C3AR1: variants seen among roughly 807,000 people sequenced by gnomAD.
C3AR1 encodes the protein complement C3a receptor 1, also known as C3a anaphylatoxin chemotactic receptor.
For missense variants in C3AR1, 579 were observed against 583.5 expected, an observed-to-expected ratio of 0.99 and a Z score of 0.08; for synonymous variants, 208 against 225.3, an observed-to-expected ratio of 0.92 and a Z score of 0.69.
intron 1 of C3AR1, among the ~76,000 whole-genome samples, chr12:8,063,468 A>G (rs1346224552): frequency 6.6e-6 from 1 of 152,126 alleles, no homozygotes; most frequent in Non-Finnish European, 1.5e-5. Flanking sequence ...ACCCTGCTTT[A>G]TAGCTTTCCT....
chr12:8,062,802 C>T (rs1388031331), intron 1 of C3AR1, among the ~76,000 whole-genome samples: 3 of 152,020 alleles, frequency 2.0e-5, no homozygotes, highest in African/African-American at 7.2e-5. Context: ...CGCCACCATG[C>T]CCGGCTAATT....
chr12:8,060,064 T>G lies in C3AR1; in HGVS notation c.122A>C (p.Asn41Thr). The G allele has an allele frequency of 6.2e-7, 1 of 1,614,068 alleles. No homozygotes were observed. Among genetic ancestry groups the G allele is most frequent in the South Asian group, 1.1e-5 (1 of 91,082 alleles). ...SLTFLLGLPG[N>T]GLVLWVAGLK... ...GCCAGCCACCCACAGCACCAGCCCA[T>G]TGCCTGGCAATCCCAGTAAAAAAGT... Residue 41 changes from asparagine to threonine, a missense_variant, in exon 2 of 2, where the codon AAT (asparagine) becomes ACT (threonine). Transcript: ENST00000307637.
intron 1 of C3AR1, among the ~76,000 whole-genome samples, chr12:8,065,441 A>G (rs541780728): frequency 9.5e-4 from 145 of 152,142 alleles, no homozygotes; most frequent in Non-Finnish European, 1.8e-3. Flanking sequence ...ACCTGAGGTC[A>G]GGAGTTTGAG....
rs1283472397 is a variant in C3AR1, at chr12:8,059,165, G to A, written c.1021C>T (p.Leu341=). Residue 341 remains leucine (L), a synonymous_variant, in exon 2 of 2, where the codon CTA becomes TTA. Coordinates refer to ENST00000307637, the MANE Select transcript of C3AR1 (RefSeq NM_004054.4). ...GAGGGCAGCAGGAAACCCACCACTA[G>A]CCTAGTGATCGTTATTGCCACGAGG... ...TPLVAITITR[L]VVGFLLPSVI... 6.2e-7 allele frequency: 1 copy of A among 1,614,198 alleles called. No individual in the cohort carries two copies. The highest frequency in any genetic ancestry group is 8.5e-7 in the Non-Finnish European group (1 of 1,180,032).
Position 8,059,186 on chromosome 12 carries a change from C to T in C3AR1, c.1000G>A (p.Val334Met), listed in dbSNP as rs376260680. 5.0e-5 allele frequency: 80 copies of T among 1,613,988 alleles called. No individual in the cohort carries two copies. The highest frequency in any genetic ancestry group is 8.9e-5 in the East Asian group (4 of 44,898). The change falls in exon 2 of 2, where the codon GTG (valine) becomes ATG (methionine). Residue 334 changes from valine to methionine, a missense_variant. Val to Met is a conservative substitution (Grantham distance 21). Transcript: ENST00000307637. ...ACTAGCCTAGTGATCGTTATTGCCACGAGGGGTGTTGGCACTTGATCGTCA... is the reference window on the plus strand; with the variant it reads ...ACTAGCCTAGTGATCGTTATTGCCATGAGGGGTGTTGGCACTTGATCGTCA... Reference protein sequence around the residue: ...TDDDQVPTPLVAITITRLVVG... With the variant: ...TDDDQVPTPLMAITITRLVVG...
At position 8,058,962 on chromosome 12, in the gene C3AR1, G is replaced by A. The variant is rs374005600; in HGVS notation, c.1224C>T (p.Pro408=). 3.1e-6 allele frequency: 5 copies of A among 1,614,080 alleles called. No homozygotes were observed. The African/African-American group carries it at 6.7e-5, about 22-fold the overall frequency. Residue 408 remains proline, a synonymous_variant, in exon 2 of 2, where the codon CCC becomes CCT. Transcript: ENST00000307637. ...VLSLLTDPET[P]LGKTLMSWDH... Reference sequence around the variant, plus strand: ...CCCAGGACATCAGAGTTTTCCCCAAGGGAGTTTCTGGGTCAGTAAGCAATG... The same window carrying A: ...CCCAGGACATCAGAGTTTTCCCCAAAGGAGTTTCTGGGTCAGTAAGCAATG...
Position 8,057,115 on chromosome 12 carries a change from T to C in C3AR1, c.*1622A>G, listed in dbSNP as rs1212433517. Among the ~76,000 whole-genome samples, 1 of 152,220 alleles carries C rather than the reference T, an allele frequency of 6.6e-6. No individual in the cohort carries two copies. The highest frequency in any genetic ancestry group is 1.5e-5 in the Non-Finnish European group (1 of 68,028). Reference sequence around the variant, plus strand: ...CATTTTCTGTTTTTAGACTACATCATTGTATTTGGTTTAGATGAGGCCACG... The same window carrying C: ...CATTTTCTGTTTTTAGACTACATCACTGTATTTGGTTTAGATGAGGCCACG... On this transcript the variant is annotated 3_prime_UTR_variant, in exon 2 of 2. Transcript: ENST00000307637.
chr12:8,058,101 A>G lies in C3AR1; in HGVS notation c.*636T>C, dbSNP rs2072448. The stretch of plus-strand genomic sequence containing the variant: ...TCTATGTAATAGTGGAAATTTCTAT[A>G]TCCTGTACCCAGGGGTGTTCCCAGG... On this transcript the variant is annotated 3_prime_UTR_variant, in exon 2 of 2. Transcript: ENST00000307637. Among the ~76,000 whole-genome samples the G allele has an allele frequency of 0.6, 91,229 of 152,098 alleles. 28,192 individuals are homozygous for G. Among genetic ancestry groups the G allele is most frequent in the Middle Eastern group, 0.74 (217 of 294 alleles).
chr12:8,061,530 T>G (rs1395478773), intron 1 of C3AR1, among the ~76,000 whole-genome samples: 1 of 152,096 alleles, frequency 6.6e-6, no homozygotes, highest in Non-Finnish European at 1.5e-5. Context: ...TGATACAATC[T>G]CGGCTCACTG....
Position 8,059,532 on chromosome 12 carries a change from T to C in C3AR1, c.654A>G (p.Thr218=). 1 of 1,614,168 alleles carries C rather than the reference T, an allele frequency of 6.2e-7. No individual in the cohort carries two copies. Among genetic ancestry groups the C allele is most frequent in the Non-Finnish European group, 8.5e-7 (1 of 1,180,026 alleles). The change falls in exon 2 of 2, where the codon ACA becomes ACG. Residue 218 remains threonine, a synonymous_variant. Coordinates refer to ENST00000307637, the MANE Select transcript of C3AR1 (RefSeq NM_004054.4). ...TGGGGACTGTCCAAGGATGATCATTTGTTTGGAAAGAGGAAGGATCTAACC... is the reference window on the plus strand; with the variant it reads ...TGGGGACTGTCCAAGGATGATCATTCGTTTGGAAAGAGGAAGGATCTAACC... ...NDRLDPSSFQ[T]NDHPWTVPTV...
chr12:8,063,590 G>A (rs1169880407), intron 1 of C3AR1, among the ~76,000 whole-genome samples: 1 of 152,094 alleles, frequency 6.6e-6, no homozygotes, highest in Non-Finnish European at 1.5e-5. Context: ...ATTTGTGTGT[G>A]TGCGCATGTT....
chr12:8,065,459 T>C (rs1947321728), intron 1 of C3AR1, among the ~76,000 whole-genome samples: 1 of 151,970 alleles, frequency 6.6e-6, no homozygotes, highest in Admixed American at 6.6e-5. Flanking sequence ...GAGACCAACC[T>C]GGCCAACATG....
In C3AR1 at chr12:8,059,828, G is replaced by A. The variant is rs773999327; in HGVS notation, c.358C>T (p.Arg120Cys). Reference sequence around the variant, plus strand: ...ATTGGCTTGAATACCACAAGACAGCGATCCAGGCTAATGGCAGTAAGCAGG... The same window carrying A: ...ATTGGCTTGAATACCACAAGACAGCAATCCAGGCTAATGGCAGTAAGCAGG... ...VFLLTAISLD[R>C]CLVVFKPIWC... The change falls in exon 2 of 2, where the codon CGC becomes TGC. Residue 120 changes from arginine to cysteine, a missense_variant. Arg to Cys is a radical substitution (Grantham distance 180). Coordinates refer to ENST00000307637, the MANE Select transcript of C3AR1 (RefSeq NM_004054.4). 9.3e-6 allele frequency: 15 copies of A among 1,614,060 alleles called. No individual in the cohort carries two copies. The East Asian group carries it at 2.5e-4, about 26-fold the overall frequency.
At chr12:8,065,327 GAAAGTATGTAGGAGTCAGGGATTA>G (rs1947320368) in intron 1 of C3AR1, among the ~76,000 whole-genome samples, 1 of 152,140 alleles carries the variant, frequency 6.6e-6, no homozygotes, top group African/African-American at 2.4e-5. Context: ...GTTTTGAAAT[GAAAGTATGTAGGAGTCAGGGATTA>G]AAAGTCCTTT....
intron 1 of C3AR1, 31 bp from the exon 2 acceptor site, chr12:8,060,226 A>C (rs1474499525): frequency 2.0e-6 from 3 of 1,520,360 alleles, no homozygotes; most frequent in Non-Finnish European, 2.7e-6. Context: ...TGTTAAAACA[A>C]ACAGTATCTT....
In C3AR1 at chr12:8,060,141, T is replaced by G. The variant is rs1048590619; in HGVS notation, c.45A>C (p.Ser15=). Residue 15 remains serine (S), a synonymous_variant, in exon 2 of 2, where the codon TCA becomes TCC. Coordinates refer to ENST00000307637, the MANE Select transcript of C3AR1 (RefSeq NM_004054.4). ...SAETNSTDLL[S]QPWNEPPVIL... Reference sequence around the variant, plus strand: ...TTACTGGGGGCTCATTCCATGGCTGTGAGAGTAGGTCAGTTGAATTGGTCT... The same window carrying G: ...TTACTGGGGGCTCATTCCATGGCTGGGAGAGTAGGTCAGTTGAATTGGTCT... The G allele has an allele frequency of 2.9e-5, 46 of 1,613,678 alleles. No individual in the cohort carries two copies. Among genetic ancestry groups the G allele is most frequent in the Non-Finnish European group, 3.8e-5 (45 of 1,179,742 alleles).
At position 8,058,879 on chromosome 12, in the gene C3AR1, G is replaced by T; in HGVS notation, c.1307C>A (p.Ala436Asp). The T allele has an allele frequency of 6.2e-7, 1 of 1,614,170 alleles. No individual in the cohort carries two copies. Among genetic ancestry groups the T allele is most frequent in the Non-Finnish European group, 8.5e-7 (1 of 1,180,042 alleles). ...ANSCFNPFLY[A>D]LLGKDFRKKA... ...CTTCCTAAAATCTTTCCCCAAGAGGGCATAAAGGAAGGGATTAAAGCAACT... is the reference window on the plus strand; with the variant it reads ...CTTCCTAAAATCTTTCCCCAAGAGGTCATAAAGGAAGGGATTAAAGCAACT... Residue 436 changes from alanine (A) to aspartate (D), a missense_variant, in exon 2 of 2, where the codon GCC (alanine) becomes GAC (aspartate). Physicochemically the swap from Ala to Asp is moderately radical, Grantham distance 126. Transcript: ENST00000307637.
chr12:8,061,710 C>A (rs2120394283), intron 1 of C3AR1, among the ~76,000 whole-genome samples: 1 of 152,280 alleles, frequency 6.6e-6, no homozygotes, highest in Non-Finnish European at 1.5e-5. Flanking sequence ...ATCCTCCCTC[C>A]TCTCCCTCCC....
Position 8,060,043 on chromosome 12 carries a change from G to C in C3AR1, c.143C>G (p.Ala48Gly), listed in dbSNP as rs148508528. Residue 48 changes from alanine to glycine, a missense_variant, in exon 2 of 2, where the codon GCT becomes GGT. Transcript: ENST00000307637. ...LPGNGLVLWV[A>G]GLKMQRTVNT... ...CACTGTCCGCTGCATCTTCAGGCCAGCCACCCACAGCACCAGCCCATTGCC... is the reference window on the plus strand; with the variant it reads ...CACTGTCCGCTGCATCTTCAGGCCACCCACCCACAGCACCAGCCCATTGCC... The C allele has an allele frequency of 1.1e-5, 18 of 1,614,012 alleles. No individual in the cohort carries two copies. Among genetic ancestry groups the C allele is most frequent in the Non-Finnish European group, 1.1e-5 (13 of 1,180,038 alleles).
Sources: gnomAD v4.1 joint callset for allele counts (sites outside exome capture counted in the v4.1 genomes callset) on GRCh38, gnomAD v4.1.1 for gene constraint, MANE v1.5 for transcripts, NCBI Gene and HGNC (gene_info 2026-07-23, HGNC 2026-07-21) for gene names.